Variants in ATOSA observed in about 807,000 individuals in gnomAD.
ATOSA encodes the protein atos homolog protein A.
the ATOSA span, chr15:52,584,807 ACTTCT>A: frequency 1.2e-6 from 2 of 1,613,510 alleles, no homozygotes; most frequent in Non-Finnish European, 8.5e-7. Context: ...CTTTATTAAC[ACTTCT>A]CTTCACTTCT....
At chr15:52,648,468 T>C in the ATOSA span, among the ~76,000 whole-genome samples, 1 of 152,148 alleles carries the variant, frequency 6.6e-6, no homozygotes, top group African/African-American at 2.4e-5. Flanking sequence ...TTCTTTGTGC[T>C]GGGAACATTA....
At chr15:52,698,945 A>C in the ATOSA span, among the ~76,000 whole-genome samples, 2 of 152,240 alleles carry the variant, frequency 1.3e-5, no homozygotes, top group African/African-American at 4.8e-5. Context: ...GAGCCATGGC[A>C]AAACTTTGGA....
At chr15:52,694,934 TG>T in the ATOSA span, among the ~76,000 whole-genome samples, 2 of 151,962 alleles carry the variant, frequency 1.3e-5, no homozygotes, top group Admixed American at 6.6e-5. Context: ...TTTTTTGTTT[TG>T]TTTTTTTGAG....
At chr15:52,692,803 G>A in the ATOSA span, among the ~76,000 whole-genome samples, 2 of 147,612 alleles carry the variant, frequency 1.4e-5, no homozygotes, top group African/African-American at 5.0e-5. Context: ...GGGACTACAG[G>A]CGTCAGCTAT....
At chr15:52,583,344 T>G in the ATOSA span, among the ~76,000 whole-genome samples, 1 of 152,148 alleles carries the variant, frequency 6.6e-6, no homozygotes, top group African/African-American at 2.4e-5. Flanking sequence ...GGTTGAATCT[T>G]TTTCTAGTTT....
At chr15:52,645,181 G>C in the ATOSA span, among the ~76,000 whole-genome samples, 10 of 152,206 alleles carry the variant, frequency 6.6e-5, no homozygotes, top group Non-Finnish European at 1.2e-4. Context: ...GCTCATGCCT[G>C]TAATCCCAGA....
At chr15:52,609,511 A>G in the ATOSA span, 1 of 1,613,236 alleles carries the variant, frequency 6.2e-7, no homozygotes, top group Non-Finnish European at 8.5e-7. Flanking sequence ...AGTCTCTCCA[A>G]CAGGCATATG....
chr15:52,672,864 T>C, the ATOSA span, among the ~76,000 whole-genome samples: 1 of 152,202 alleles, frequency 6.6e-6, no homozygotes, highest in Non-Finnish European at 1.5e-5. Context: ...AAAACATAGA[T>C]GGGGTATCTC....
At chr15:52,611,106 CTT>C in the ATOSA span, 6 of 1,555,444 alleles carry the variant, frequency 3.9e-6, no homozygotes, top group Admixed American at 2.0e-5. Context: ...ACGCACTGTC[CTT>C]TTTTTTTGGC....
the ATOSA span, among the ~76,000 whole-genome samples, chr15:52,588,066 A>G: frequency 0.6 from 90,482 of 152,052 alleles, 29,848 homozygotes; most frequent in Non-Finnish European, 0.74. Flanking sequence ...CTAAAAGAGG[A>G]TATCAGGAGT....
the ATOSA span, among the ~76,000 whole-genome samples, chr15:52,669,890 T>C: frequency 5.3e-5 from 8 of 152,190 alleles, no homozygotes; most frequent in Non-Finnish European, 8.8e-5. Flanking sequence ...GAATCAATCC[T>C]AGGTAATACT....
chr15:52,610,505 G>T, the ATOSA span: 1 of 1,062,770 alleles, frequency 9.4e-7, no homozygotes, highest in Non-Finnish European at 1.3e-6. Flanking sequence ...TTACCACTGA[G>T]GTTTACTTTT....
chr15:52,683,770 A>G, the ATOSA span, among the ~76,000 whole-genome samples: 1 of 152,342 alleles, frequency 6.6e-6, no homozygotes, highest in South Asian at 2.1e-4. Flanking sequence ...ACTTGAGAGC[A>G]TACGTTCTTA....
At chr15:52,599,676 A>G in the ATOSA span, among the ~76,000 whole-genome samples, 28 of 152,242 alleles carry the variant, frequency 1.8e-4, no homozygotes, top group Admixed American at 7.2e-4. Context: ...GAATTTTTAA[A>G]AAATAACCTT....
chr15:52,685,929 G>A, the ATOSA span, among the ~76,000 whole-genome samples: 2 of 152,126 alleles, frequency 1.3e-5, no homozygotes, highest in African/African-American at 4.8e-5. Context: ...TTCTCGCTAT[G>A]TTGTCCAGGC....
chr15:52,583,823 C>A, the ATOSA span, among the ~76,000 whole-genome samples: 1 of 152,104 alleles, frequency 6.6e-6, no homozygotes, highest in Non-Finnish European at 1.5e-5. Context: ...TGGCTGAACA[C>A]GTCTTTTGCA....
chr15:52,635,613 T>C, the ATOSA span, among the ~76,000 whole-genome samples: 66 of 152,206 alleles, frequency 4.3e-4, no homozygotes, highest in East Asian at 0.013. Flanking sequence ...GGAGGATAGC[T>C]TGAGCCTGAG....
chr15:52,601,194 T>TA, the ATOSA span: 17,536 of 1,234,348 alleles, frequency 0.014, no homozygotes, highest in South Asian at 0.018. Context: ...TTTGTGATAT[T>TA]AAAAAAAAAA....
the ATOSA span, chr15:52,658,480 C>G: frequency 1.2e-4 from 42 of 359,926 alleles, no homozygotes; most frequent in Admixed American, 1.9e-3. Flanking sequence ...CATTTTAGAC[C>G]AGCAAGATTT....
Sources: gnomAD v4.1 joint callset for allele counts (sites outside exome capture counted in the v4.1 genomes callset) on GRCh38, gnomAD v4.1.1 for gene constraint, MANE v1.5 for transcripts, NCBI Gene and HGNC (gene_info 2026-07-23, HGNC 2026-07-21) for gene names.